Variants in SLC25A24 observed in about 807,000 individuals in gnomAD.
SLC25A24 encodes solute carrier family 25 member 24, also known as mitochondrial adenyl nucleotide antiporter SLC25A24.
In SLC25A24, 49 loss-of-function variants were observed where a neutral mutation model predicts 60.7. That is an observed-to-expected ratio of 0.81 (90% CI 0.64 to 1.02). The LOEUF is 1.02. Among genes scored for constraint, SLC25A24 ranks in the 50% least tolerant of loss-of-function variants. SLC25A24 has a pLI of 0.00. For missense variants in SLC25A24, 564 were observed against 586.3 expected (o/e 0.96, Z 0.39); for synonymous variants, 202 against 200.6 (o/e 1.01, Z -0.06).
chr1:108,155,219 T>A, intron 5 of SLC25A24, 84 bp from the exon 6 acceptor site: 3 of 1,195,898 alleles, frequency 2.5e-6, no homozygotes, highest in South Asian at 3.1e-5. Context: ...TCTTTTTCAA[T>A]ACCCTTTCTA....
intron 3 of SLC25A24, among the ~76,000 whole-genome samples, chr1:108,177,946 TG>T (rs1440590581): frequency 6.6e-6 from 1 of 151,982 alleles, no homozygotes; most frequent in Non-Finnish European, 1.5e-5. Flanking sequence ...GGGTGGATCA[TG>T]AAGTCAAGAG....
rs921104018 is a variant in SLC25A24 at position 108,192,847 on chromosome 1, G to A, written c.184-6893C>T. 7.4e-6 allele frequency: 8 copies of A among 1,074,522 alleles called. 1 individual carries two copies. Among genetic ancestry groups the A allele is most frequent in the African/African-American group, 6.2e-5 (4 of 64,126 alleles). 66.6% of individuals were successfully genotyped at this position (1,074,522 alleles called of 1,614,324 possible). A position where few individuals can be genotyped will look rare whatever the true frequency, so the allele number is the denominator to read the frequency against. On this transcript the variant is annotated intron_variant, in intron 1 of 9. Transcript: ENST00000565488. ...GCAAAGGCGCGAGCGCGCAGGACCC[G>A]GGACCTGCGTGGGACCGCACTCTGG...
At chr1:108,154,842 T>C in intron 6 of SLC25A24, 141 bp downstream of exon 6, 1 of 516,768 alleles carries the variant, frequency 1.9e-6, no homozygotes, top group South Asian at 4.6e-5. Flanking sequence ...TAATCTCCTA[T>C]AAGTGATCCT....
chr1:108,190,571 G>A lies in SLC25A24; in HGVS notation c.184-4617C>T, dbSNP rs144725584. On this transcript the variant is annotated intron_variant, in intron 1 of 9. Transcript: ENST00000565488. ...TTTATGGTCTGACCATTATCTCTTC[G>A]TATATTTAGTTTCTCAACTTTCACA... Among the ~76,000 whole-genome samples the A allele has an allele frequency of 1.5e-3, 234 of 151,864 alleles. 2 individuals are homozygous for A. Among genetic ancestry groups the A allele is most frequent in the African/African-American group, 5.4e-3 (223 of 41,376 alleles).
At chr1:108,139,015 G>T (rs751401360) in intron 9 of SLC25A24, 43 bp downstream of exon 9, 1 of 1,490,750 alleles carries the variant, frequency 6.7e-7, no homozygotes, top group Non-Finnish European at 8.9e-7. Flanking sequence ...CACATTACTG[G>T]TGCAGCACTT....
intron 3 of SLC25A24, among the ~76,000 whole-genome samples, chr1:108,172,111 G>A (rs560437395): frequency 6.6e-6 from 1 of 152,186 alleles, no homozygotes; most frequent in South Asian, 2.1e-4. Flanking sequence ...AAATGAGATG[G>A]AGACAAAAGC....
chr1:108,185,839 T>G lies in SLC25A24; in HGVS notation c.299A>C (p.Lys100Thr). 1.3e-6 allele frequency: 2 copies of G among 1,587,648 alleles called. No individual in the cohort carries two copies. Among genetic ancestry groups the G allele is most frequent in the Non-Finnish European group, 1.7e-6 (2 of 1,162,270 alleles). The change falls in exon 2 of 10, where the codon AAA becomes ACA. Residue 100 changes from lysine (K) to threonine (T), a missense_variant. Physicochemically the swap from Lys to Thr is moderately conservative, Grantham distance 78. Transcript: ENST00000565488. ...AAAGAAAGACACACCATCATTATTT[T>G]TGTCTAAACTCTTAAATGCCAATTT... ...KMKLAFKSLD[K>T]NNDGKIEASE...
chr1:108,175,049 C>T (rs149831879), intron 3 of SLC25A24, among the ~76,000 whole-genome samples: 159 of 152,182 alleles, frequency 1.0e-3, no homozygotes, highest in Middle Eastern at 3.4e-3. Flanking sequence ...TGAGTTAAGA[C>T]GCTGAGGGAC....
intron 3 of SLC25A24, among the ~76,000 whole-genome samples, chr1:108,175,989 C>T (rs892513806): frequency 1.2e-4 from 18 of 152,048 alleles, no homozygotes; most frequent in African/African-American, 4.1e-4. Flanking sequence ...CAACAACAAT[C>T]AGGAACAAAT....
intron 6 of SLC25A24, among the ~76,000 whole-genome samples, chr1:108,151,147 G>A (rs1679744658): frequency 6.6e-6 from 1 of 152,118 alleles, no homozygotes; most frequent in Non-Finnish European, 1.5e-5. Context: ...GTTGCAGTGA[G>A]ATGAGATTGC....
chr1:108,172,784 T>G (rs1041142548), intron 3 of SLC25A24, among the ~76,000 whole-genome samples: 8 of 152,150 alleles, frequency 5.3e-5, no homozygotes, highest in African/African-American at 1.7e-4. Flanking sequence ...TGGAGTGACA[T>G]GAGTAACACT....
At chr1:108,147,855 C>A (rs1018555392) in intron 7 of SLC25A24, among the ~76,000 whole-genome samples, 2 of 152,126 alleles carry the variant, frequency 1.3e-5, no homozygotes, top group Non-Finnish European at 2.9e-5. Flanking sequence ...CAATGGAATA[C>A]AGCAGAAGAG....
chr1:108,169,132 G>T (rs1303808085), intron 3 of SLC25A24, among the ~76,000 whole-genome samples: 1 of 152,124 alleles, frequency 6.6e-6, no homozygotes, highest in Non-Finnish European at 1.5e-5. Flanking sequence ...ATATGGATGG[G>T]TCTGTTTCTG....
intron 1 of SLC25A24, chr1:108,198,511 T>A (rs1232674784): frequency 6.6e-6 from 1 of 152,244 alleles, no homozygotes; most frequent in Non-Finnish European, 1.5e-5. Flanking sequence ...TCACTTACAA[T>A]CGTTTTTAAA....
chr1:108,176,774 C>A (rs1057497057), intron 3 of SLC25A24, among the ~76,000 whole-genome samples: 24 of 152,102 alleles, frequency 1.6e-4, no homozygotes, highest in Non-Finnish European at 2.9e-4. Context: ...ATGTACCCAG[C>A]AAAGTGTCCT....
chr1:108,180,616 A>ATCTCTCTCTCTCTC (rs3043349), intron 3 of SLC25A24, among the ~76,000 whole-genome samples: 32 of 61,798 alleles, frequency 5.2e-4, no homozygotes, highest in African/African-American at 2.0e-3. Context: ...CAAGAGAAAG[A>ATCTCTCTCTCTCTC]TCTCTCTCTC....
Position 108,200,087 on chromosome 1 carries a change from C to A in SLC25A24, c.52G>T (p.Ala18Ser). The A allele has an allele frequency of 6.3e-7, 1 of 1,581,326 alleles. No individual in the cohort carries two copies. The highest frequency in any genetic ancestry group is 8.6e-7 in the Non-Finnish European group (1 of 1,164,380). Reference sequence around the variant, plus strand: ...GTCTCGTAGCGCGTCGGCTGCTCCGCGTCCTGGCAGGCCGCGGTGGGCAGC... The same window carrying A: ...GTCTCGTAGCGCGTCGGCTGCTCCGAGTCCTGGCAGGCCGCGGTGGGCAGC... ...FVLPTAACQD[A>S]EQPTRYETLF... Residue 18 changes from alanine to serine, a missense_variant, in exon 1 of 10, where the codon GCG becomes TCG. By Grantham distance (99) the Ala-to-Ser change is moderately conservative. Transcript: ENST00000565488.
At chr1:108,150,924 G>A (rs1407848896) in intron 6 of SLC25A24, among the ~76,000 whole-genome samples, 1 of 152,162 alleles carries the variant, frequency 6.6e-6, no homozygotes, top group Non-Finnish European at 1.5e-5. Context: ...CTCCAGGCCA[G>A]GCACGGTGGC....
chr1:108,182,652 G>A (rs1452546881), intron 2 of SLC25A24, among the ~76,000 whole-genome samples: 6 of 152,038 alleles, frequency 3.9e-5, no homozygotes, highest in Non-Finnish European at 8.8e-5. Flanking sequence ...GGCCAACATG[G>A]TGAAACCCCG....
Sources: allele counts gnomAD v4.1 joint callset (sites outside exome capture counted in the v4.1 genomes callset), GRCh38; gene constraint gnomAD v4.1.1; transcripts MANE v1.5; gene names NCBI Gene and HGNC (gene_info 2026-07-23, HGNC 2026-07-21).